Variants in SAMD12 observed in about 807,000 individuals in gnomAD.
The protein encoded by SAMD12 is sterile alpha motif domain containing 12, also known as sterile alpha motif domain-containing protein 12.
In SAMD12, 9 loss-of-function variants were observed where a neutral mutation model predicts 15.0. That is an observed-to-expected ratio of 0.60 (90% CI 0.36 to 1.05). The LOEUF is 1.05. Among genes scored for constraint, SAMD12 ranks in the 50% least tolerant of loss-of-function variants. SAMD12 has a pLI of 0.01. For missense variants in SAMD12, 230 were observed against 234.2 expected, an observed-to-expected ratio of 0.98 and a Z score of 0.12; for synonymous variants, 86 against 90.1, an observed-to-expected ratio of 0.96 and a Z score of 0.25.
intron 3 of SAMD12, among the ~76,000 whole-genome samples, chr8:118,383,035 C>A (rs16890923): frequency 0.037 from 5,567 of 152,144 alleles, 339 homozygotes; most frequent in African/African-American, 0.13. Flanking sequence ...CTGCTGAATA[C>A]AAAATGAACG....
At chr8:118,504,184 C>T (rs757142039) in intron 2 of SAMD12, among the ~76,000 whole-genome samples, 1 of 152,168 alleles carries the variant, frequency 6.6e-6, no homozygotes, top group Non-Finnish European at 1.5e-5. Context: ...AGGCCAACAC[C>T]TACAAACCAC....
At chr8:118,341,482 G>C (rs2130548245) in intron 4 of SAMD12, among the ~76,000 whole-genome samples, 1 of 152,322 alleles carries the variant, frequency 6.6e-6, no homozygotes, top group Non-Finnish European at 1.5e-5. Context: ...GGCCCAGTCT[G>C]AATCTGTTCA....
chr8:118,181,084 G>T, the SAMD12 span, among the ~76,000 whole-genome samples: 4 of 151,836 alleles, frequency 2.6e-5, no homozygotes, highest in Non-Finnish European at 1.5e-5. Context: ...TGGGGGTCTT[G>T]CTATGTTGCC....
chr8:118,553,899 A>G (rs1252309591), intron 2 of SAMD12, among the ~76,000 whole-genome samples: 2 of 151,216 alleles, frequency 1.3e-5, no homozygotes, highest in Non-Finnish European at 3.0e-5. Flanking sequence ...TCTCAAAAGA[A>G]GACATTTATG....
intron 4 of SAMD12, chr8:118,282,237 T>C (rs776171427): frequency 1.3e-4 from 57 of 455,776 alleles, no homozygotes; most frequent in Non-Finnish European, 2.5e-4. Context: ...ATACCATATA[T>C]CTAAGGTCAA....
At chr8:118,500,919 C>A (rs888490998) in intron 2 of SAMD12, among the ~76,000 whole-genome samples, 3 of 152,206 alleles carry the variant, frequency 2.0e-5, no homozygotes, top group Non-Finnish European at 4.4e-5. Flanking sequence ...ATTCTGGTCT[C>A]CTCTAGTACA....
intron 2 of SAMD12, among the ~76,000 whole-genome samples, chr8:118,494,283 A>G (rs998213820): frequency 1.3e-5 from 2 of 152,190 alleles, no homozygotes; most frequent in Non-Finnish European, 2.9e-5. Context: ...ATTTTAGTCT[A>G]TAAGACCATT....
At chr8:118,453,260 T>TA (rs1029675933) in intron 2 of SAMD12, among the ~76,000 whole-genome samples, 45 of 152,232 alleles carry the variant, frequency 3.0e-4, no homozygotes, top group African/African-American at 1.0e-3. Context: ...GAGTCACAGG[T>TA]AAAAAAATCA....
rs567902452 is a variant in SAMD12 at position 118,441,679 on chromosome 8, T to A, written c.193-1718A>T. Among the ~76,000 whole-genome samples the A allele has an allele frequency of 7.2e-5, 11 of 152,326 alleles. 1 individual carries two copies. Among genetic ancestry groups the A allele is most frequent in the African/African-American group, 2.6e-4 (11 of 41,556 alleles). On this transcript the variant is annotated intron_variant, in intron 2 of 3. Coordinates refer to ENST00000314727, the MANE Select transcript of SAMD12 (RefSeq NM_207506.3). ...ACATATGTATCTGCTTTTCATTCAA[T>A]GGGACTGACATTTCTTCCACTAATA...
At chr8:118,242,944 G>A (rs886946420) in intron 4 of SAMD12, among the ~76,000 whole-genome samples, 1 of 152,102 alleles carries the variant, frequency 6.6e-6, no homozygotes, top group Admixed American at 6.5e-5. Flanking sequence ...TCCCCATCTG[G>A]GCTACAATCT....
chr8:118,415,078 C>T (rs1481348912), intron 3 of SAMD12, among the ~76,000 whole-genome samples: 1 of 152,048 alleles, frequency 6.6e-6, no homozygotes, highest in East Asian at 1.9e-4. Flanking sequence ...TAAGGGATAC[C>T]CACTGAAATC....
the SAMD12 span, among the ~76,000 whole-genome samples, chr8:118,132,972 G>GTATATA: frequency 1.0e-3 from 50 of 48,232 alleles, no homozygotes; most frequent in Non-Finnish European, 1.5e-3. Flanking sequence ...GTGTGTGTGT[G>GTATATA]TATATATATA....
At chr8:118,410,526 A>G (rs1252659078) in intron 3 of SAMD12, among the ~76,000 whole-genome samples, 2 of 152,196 alleles carry the variant, frequency 1.3e-5, no homozygotes, top group South Asian at 2.1e-4. Context: ...GCCAATCACC[A>G]TCTTCCTGGT....
intron 3 of SAMD12, among the ~76,000 whole-genome samples, chr8:118,439,556 G>C (rs997485829): frequency 2.9e-4 from 44 of 151,942 alleles, no homozygotes; most frequent in African/African-American, 9.9e-4. Flanking sequence ...TCTATGATTG[G>C]CATGCTCTTA....
At chr8:118,390,341 C>T (rs149930472) in intron 3 of SAMD12, among the ~76,000 whole-genome samples, 232 of 152,268 alleles carry the variant, frequency 1.5e-3, no homozygotes, top group African/African-American at 5.3e-3. Flanking sequence ...TCTTCCATGT[C>T]CCTCCAACTT....
chr8:118,550,838 A>C (rs1826307818), intron 2 of SAMD12, among the ~76,000 whole-genome samples: 1 of 151,258 alleles, frequency 6.6e-6, no homozygotes, highest in Admixed American at 6.6e-5. Context: ...AGGAAGATCT[A>C]CCAAGCAAAT....
chr8:118,299,719 C>T (rs774164400), intron 4 of SAMD12, among the ~76,000 whole-genome samples: 4 of 152,034 alleles, frequency 2.6e-5, no homozygotes, highest in Non-Finnish European at 4.4e-5. Context: ...TGAAAGATGA[C>T]CCAAAAATAT....
chr8:118,398,581 TC>T (rs1445828551), intron 3 of SAMD12, among the ~76,000 whole-genome samples: 1 of 152,192 alleles, frequency 6.6e-6, no homozygotes, highest in East Asian at 1.9e-4. Flanking sequence ...AGAGAATCTT[TC>T]CTTATCTTCT....
At chr8:118,170,411 A>G in the SAMD12 span, among the ~76,000 whole-genome samples, 1 of 152,210 alleles carries the variant, frequency 6.6e-6, no homozygotes, top group African/African-American at 2.4e-5. Flanking sequence ...TTTACAAATT[A>G]TCTTCTTTGC....
Sources: gnomAD v4.1 joint callset for allele counts (sites outside exome capture counted in the v4.1 genomes callset) on GRCh38, gnomAD v4.1.1 for gene constraint, MANE v1.5 for transcripts, NCBI Gene and HGNC (gene_info 2026-07-23, HGNC 2026-07-21) for gene names.